QSOX2: variants seen among roughly 807,000 people sequenced by gnomAD.
QSOX2 encodes quiescin sulfhydryl oxidase 2.
In QSOX2, 46 loss-of-function variants were observed where a neutral mutation model predicts 61.7. The observed-to-expected ratio is 0.75, with a 90% CI of 0.59 to 0.95. The LOEUF (loss-of-function observed/expected upper bound fraction) is 0.95, where lower values mean the gene tolerates loss of function less well. QSOX2 is among the 40% of genes least tolerant of loss of function. The probability of loss-of-function intolerance (pLI) is 0.00; values close to 1 mark genes in which losing one functional copy is unlikely to be tolerated. For synonymous variants in QSOX2, 383 were observed against 388.4 expected (o/e 0.99, Z 0.16); for missense variants, 879 against 918.9 (o/e 0.96, Z 0.56).
At chr9:136,216,826 G>A (rs996042543) in intron 8 of QSOX2, 104 bp from the exon 9 acceptor site, 46 of 1,414,348 alleles carry the variant, frequency 3.3e-5, no homozygotes, top group Non-Finnish European at 4.5e-5. Flanking sequence ...ATCCGCAGAG[G>A]GGCTGAACCT....
At chr9:136,231,065 A>G (rs1389085118) in intron 1 of QSOX2, among the ~76,000 whole-genome samples, 1 of 152,224 alleles carries the variant, frequency 6.6e-6, no homozygotes, top group African/African-American at 2.4e-5. Context: ...AAGTAAATTT[A>G]CACAGCCCTT....
chr9:136,209,224 T>A lies in QSOX2; in HGVS notation c.1601A>T (p.Asp534Val). 1 of 1,613,688 alleles carries A rather than the reference T, an allele frequency of 6.2e-7. No individual in the cohort carries two copies. The highest frequency in any genetic ancestry group is 8.5e-7 in the Non-Finnish European group (1 of 1,179,962). ...RFPKLQWPTPDLCPACHEEIK... is the reference protein window; with the variant it reads ...RFPKLQWPTPVLCPACHEEIK... ...TTCCTCATGGCAGGCTGGGCAGAGG[T>A]CCGGAGTGGGCCACTGAAGCTTTGG... Residue 534 changes from aspartate (D) to valine (V), a missense_variant, in exon 12 of 12, where the codon GAC becomes GTC. Transcript: ENST00000358701. This position sits in a 1 kb window ranked among gnomAD's most constrained non-coding sequence, Gnocchi z 5.6.
chr9:136,218,533 G>T, intron 8 of QSOX2, 146 bp downstream of exon 8: 1 of 954,582 alleles, frequency 1.0e-6, no homozygotes. Flanking sequence ...GGTGGAATGA[G>T]TTGGGGCGTG....
chr9:136,233,964 A>G (rs1173792174), intron 1 of QSOX2, among the ~76,000 whole-genome samples: 9 of 152,270 alleles, frequency 5.9e-5, no homozygotes, highest in Non-Finnish European at 1.5e-5. Context: ...ACGTACCTCC[A>G]TGAAGTGACA....
In QSOX2 at chr9:136,223,981, GC is replaced by G; in HGVS notation, c.584+25del. ...TGCACAGTTCAACACGAGTCTAACG[GC>G]CGCCTTCTTCATGGAGCTACTCACT... On this transcript the variant is annotated intron_variant, in intron 4 of 11. Coordinates refer to ENST00000358701, the MANE Select transcript of QSOX2 (RefSeq NM_181701.4). The surrounding 1 kb of genome is among the most constrained non-coding windows in gnomAD (Gnocchi z 4.4). 1.3e-6 allele frequency: 2 copies of G among 1,599,704 alleles called. No homozygotes were observed. Among genetic ancestry groups the G allele is most frequent in the Non-Finnish European group, 1.7e-6 (2 of 1,167,596 alleles).
chr9:136,234,102 A>C (rs147804616), intron 1 of QSOX2, among the ~76,000 whole-genome samples: 2 of 151,308 alleles, frequency 1.3e-5, no homozygotes, highest in African/African-American at 4.9e-5. Context: ...ACGAGGCTCC[A>C]CCTGGGGCAG....
At chr9:136,239,790 G>A (rs1830420201) in intron 1 of QSOX2, among the ~76,000 whole-genome samples, 1 of 152,228 alleles carries the variant, frequency 6.6e-6, no homozygotes, top group Non-Finnish European at 1.5e-5. Context: ...CTCAGGGAAG[G>A]CCGAGCAGAT....
At chr9:136,231,104 T>C (rs1352186238) in intron 1 of QSOX2, among the ~76,000 whole-genome samples, 3 of 152,152 alleles carry the variant, frequency 2.0e-5, no homozygotes, top group Non-Finnish European at 2.9e-5. Flanking sequence ...CTGACCAAAT[T>C]ATCTACCACG....
At chr9:136,210,484 G>T in intron 11 of QSOX2, 1 of 985,478 alleles carries the variant, frequency 1.0e-6, no homozygotes, top group Non-Finnish European at 1.2e-6. Context: ...GGAAAGCACA[G>T]GGAGCTCTGT....
chr9:136,208,851 G>C lies in QSOX2; in HGVS notation c.1974C>G (p.Ser658Arg). ...AAPFLGVDFS[S>R]LDMSLCVVLY... Reference sequence around the variant, plus strand: ...GCACGACACAGAGACTCATGTCCAGGCTGGAGAAGTCAACCCCGAGGAAGG... The same window carrying C: ...GCACGACACAGAGACTCATGTCCAGCCTGGAGAAGTCAACCCCGAGGAAGG... The change falls in exon 12 of 12, where the codon AGC (serine) becomes AGG (arginine). Residue 658 changes from serine to arginine, a missense_variant. Physicochemically the swap from Ser to Arg is moderately radical, Grantham distance 110. Transcript: ENST00000358701. 3 of 1,614,058 alleles carry C rather than the reference G, an allele frequency of 1.9e-6. No individual in the cohort carries two copies. The highest frequency in any genetic ancestry group is 2.5e-6 in the Non-Finnish European group (3 of 1,180,032).
rs376232643 is a variant in QSOX2, at chr9:136,223,980, G to A, written c.584+27C>T. 3.2e-4 allele frequency: 514 copies of A among 1,599,374 alleles called. No homozygotes were observed. The highest frequency in any genetic ancestry group is 3.8e-4 in the Non-Finnish European group (439 of 1,167,318). On this transcript the variant is annotated intron_variant, in intron 4 of 11. Coordinates refer to ENST00000358701, the MANE Select transcript of QSOX2 (RefSeq NM_181701.4). This position sits in a 1 kb window ranked among gnomAD's most constrained non-coding sequence, Gnocchi z 4.4. ...TTGCACAGTTCAACACGAGTCTAAC[G>A]GCCGCCTTCTTCATGGAGCTACTCA...
At chr9:136,217,900 A>C (rs1338929980) in intron 8 of QSOX2, among the ~76,000 whole-genome samples, 2 of 152,268 alleles carry the variant, frequency 1.3e-5, no homozygotes, top group Non-Finnish European at 2.9e-5. Flanking sequence ...CATTCATCTG[A>C]GGCACCTCCA....
chr9:136,245,411 G>T, intron 1 of QSOX2, 65 bp downstream of exon 1: 1 of 1,408,724 alleles, frequency 7.1e-7, no homozygotes. Flanking sequence ...TGGGGCGGTC[G>T]CAAGGGGTCC....
rs544279498 is a variant in QSOX2 at position 136,211,633 on chromosome 9, C to T, written c.1361-181G>A. On this transcript the variant is annotated intron_variant, in intron 10 of 11. Coordinates refer to ENST00000358701, the MANE Select transcript of QSOX2 (RefSeq NM_181701.4). ...CCAGCACCTGCCAAGATGTCCAACA[C>T]GCCCACGGGTGCTGCAGGCTCTGGA... Among the ~76,000 whole-genome samples, 5 of 152,346 alleles carry T rather than the reference C, an allele frequency of 3.3e-5. 1 individual carries two copies. The East Asian group carries it at 7.7e-4, about 24-fold the overall frequency.
In QSOX2 at chr9:136,209,355, C is replaced by T. The variant is rs1406648309; in HGVS notation, c.1550-80G>A. ...GTGCAGCGTGCGGCAACCGGACTCC[C>T]ACTCCCACCCACCACGGGCCTCCAC... On this transcript the variant is annotated intron_variant, in intron 11 of 11. Coordinates refer to ENST00000358701, the MANE Select transcript of QSOX2 (RefSeq NM_181701.4). This position sits in a 1 kb window ranked among gnomAD's most constrained non-coding sequence, Gnocchi z 5.6. The T allele has an allele frequency of 1.3e-6, 2 of 1,546,956 alleles. No homozygotes were observed. The highest frequency in any genetic ancestry group is 2.7e-5 in the African/African-American group (2 of 73,246).
At chr9:136,220,573 AG>A (rs1033439285) in intron 6 of QSOX2, among the ~76,000 whole-genome samples, 2 of 152,220 alleles carry the variant, frequency 1.3e-5, no homozygotes, top group African/African-American at 4.8e-5. Flanking sequence ...ACTTCAGGCC[AG>A]GGGAAGGGGC....
intron 1 of QSOX2, among the ~76,000 whole-genome samples, chr9:136,241,478 G>A (rs1830433162): frequency 6.6e-6 from 1 of 152,154 alleles, no homozygotes; most frequent in Non-Finnish European, 1.5e-5. Context: ...TGGGACAGAG[G>A]AGCTGGCAGC....
rs142075682 is a variant in QSOX2, at chr9:136,221,071, C to G, written c.821+725G>C. Among the ~76,000 whole-genome samples the G allele has an allele frequency of 7.4e-3, 1,119 of 152,054 alleles. 15 individuals carry two copies. Among genetic ancestry groups the G allele is most frequent in the Middle Eastern group, 0.034 (10 of 294 alleles). On this transcript the variant is annotated intron_variant, in intron 6 of 11. Transcript: ENST00000358701. The surrounding 1 kb of genome is among the most constrained non-coding windows in gnomAD (Gnocchi z 4.5). ...CTCCACGCAGAGGCAAAGGGCTTATCCTCATGAGGGGCACACAGGCACTCC... is the reference window on the plus strand; with the variant it reads ...CTCCACGCAGAGGCAAAGGGCTTATGCTCATGAGGGGCACACAGGCACTCC...
At position 136,224,033 on chromosome 9, in the gene QSOX2, A is replaced by C; in HGVS notation, c.558T>G (p.Pro186=). ...LQNHTEGSRP[P]ACPRLDPIQP... Reference sequence around the variant, plus strand: ...GAATGGGGTCTAGGCGCGGGCAGGCAGGGGGCCGGCTTCCTTCCGTGTGGT... The same window carrying C: ...GAATGGGGTCTAGGCGCGGGCAGGCCGGGGGCCGGCTTCCTTCCGTGTGGT... Residue 186 remains proline (P), a synonymous_variant, in exon 4 of 12, where the codon CCT becomes CCG. Transcript: ENST00000358701. 1 of 1,613,998 alleles carries C rather than the reference A, an allele frequency of 6.2e-7. No homozygotes were observed. The highest frequency in any genetic ancestry group is 8.5e-7 in the Non-Finnish European group (1 of 1,179,968).
Sources: gnomAD v4.1 joint callset for allele counts (sites outside exome capture counted in the v4.1 genomes callset) on GRCh38, gnomAD v4.1.1 for gene constraint, Gnocchi (gnomAD v3.1) non-coding constraint, MANE v1.5 for transcripts, NCBI Gene and HGNC (gene_info 2026-07-23, HGNC 2026-07-21) for gene names.